The following EBF1 variants were observed in gnomAD, a reference collection of about 807,000 sequenced individuals.
EBF1 encodes transcription factor COE1.
EBF1 carries 10 observed loss-of-function variants against 68.4 expected under a neutral mutation model. That is an observed-to-expected ratio of 0.15 (90% CI 0.09 to 0.25). EBF1 has a LOEUF of 0.25. Ranked by LOEUF, EBF1 falls within the 10% of genes least tolerant of loss-of-function variation. EBF1 has a pLI of 1.00. For synonymous variants in EBF1, 298 were observed against 299.8 expected (o/e 0.99, Z 0.06); for missense variants, 509 against 794.4 (o/e 0.64, Z 4.32).
intron 5 of EBF1, among the ~76,000 whole-genome samples, chr5:159,078,487 T>C (rs1456438989): frequency 6.6e-6 from 1 of 152,226 alleles, no homozygotes; most frequent in Non-Finnish European, 1.5e-5. Flanking sequence ...GTGTGACTGA[T>C]GGACCTTCAT....
chr5:158,732,088 C>A (rs1311302506), intron 10 of EBF1, among the ~76,000 whole-genome samples: 1 of 152,112 alleles, frequency 6.6e-6, no homozygotes, highest in African/African-American at 2.4e-5. Context: ...CCTCCACATC[C>A]CTATATTCTC....
chr5:158,772,457 T>C (rs1416713220), intron 10 of EBF1, among the ~76,000 whole-genome samples: 2 of 152,176 alleles, frequency 1.3e-5, no homozygotes, highest in African/African-American at 4.8e-5. Context: ...AGAACAAGCA[T>C]GTGTTGTTCC....
chr5:159,067,992 C>T (rs760520396), intron 6 of EBF1, among the ~76,000 whole-genome samples: 3 of 152,086 alleles, frequency 2.0e-5, no homozygotes, highest in Non-Finnish European at 4.4e-5. Context: ...TTTATCGGAA[C>T]GCTGAGAAAT....
intron 8 of EBF1, among the ~76,000 whole-genome samples, chr5:158,820,630 C>T (rs1032745411): frequency 6.6e-6 from 1 of 151,686 alleles, no homozygotes; most frequent in East Asian, 1.9e-4. Context: ...GAAGGCAAAG[C>T]CCCTTGCTGA....
intron 8 of EBF1, among the ~76,000 whole-genome samples, chr5:158,796,729 T>A (rs1779672826): frequency 6.6e-6 from 1 of 152,176 alleles, no homozygotes; most frequent in Non-Finnish European, 1.5e-5. Flanking sequence ...ACCTGAAACT[T>A]TATGAAATAA....
intron 6 of EBF1, among the ~76,000 whole-genome samples, chr5:158,978,694 G>T (rs1169416525): frequency 1.3e-5 from 2 of 151,714 alleles, no homozygotes; most frequent in Non-Finnish European, 2.9e-5. Context: ...ACATATGAGG[G>T]CAAAGCTGCT....
Position 159,099,413 on chromosome 5 carries a change from G to A in EBF1, c.66C>T (p.Ser22=), listed in dbSNP as rs201000055. The A allele has an allele frequency of 5.6e-6, 9 of 1,601,218 alleles. No individual in the cohort carries two copies. The East Asian group carries it at 1.4e-4, about 25-fold the overall frequency. The change falls in exon 1 of 16, where the codon AGC becomes AGT. Residue 22 remains serine, a synonymous_variant. Coordinates refer to ENST00000313708, the MANE Select transcript of EBF1 (RefSeq NM_024007.5). ...GSSMKEEPLG[S]GMNAVRTWMQ... ...TCCACGTCCGCACCGCGTTCATGCC[G>A]CTGCCCAGCGGCTCTTCCTTCATGC...
At chr5:159,029,067 A>C (rs1348184454) in intron 6 of EBF1, among the ~76,000 whole-genome samples, 2 of 152,226 alleles carry the variant, frequency 1.3e-5, no homozygotes, top group African/African-American at 4.8e-5. Context: ...CCAATTGATA[A>C]GCAAAATAAG....
At chr5:158,793,831 A>G (rs907366839) in intron 9 of EBF1, among the ~76,000 whole-genome samples, 1 of 152,198 alleles carries the variant, frequency 6.6e-6, no homozygotes, top group Non-Finnish European at 1.5e-5. Flanking sequence ...GGCAGTATCA[A>G]ATTCTCTCCC....
chr5:158,965,267 T>C (rs1753877908), intron 6 of EBF1, among the ~76,000 whole-genome samples: 1 of 152,168 alleles, frequency 6.6e-6, no homozygotes, highest in African/African-American at 2.4e-5. Flanking sequence ...AGCTCTTAGG[T>C]GGAGATTCAA....
rs534952908 is a variant in EBF1, at chr5:158,777,642, C to A, written c.910-103G>T. 3.5e-5 allele frequency: 43 copies of A among 1,227,448 alleles called. No homozygotes were observed. The South Asian group carries it at 5.3e-4, about 15-fold the overall frequency. 76.0% of individuals were successfully genotyped at this position (1,227,448 alleles called of 1,614,324 possible). On this transcript the variant is annotated intron_variant, in intron 9 of 15. Coordinates refer to ENST00000313708, the MANE Select transcript of EBF1 (RefSeq NM_024007.5). ...ACAAAGCTTTAAAACACATAATTAA[C>A]CTGTCTATGTTTAAATCCAATCTTG...
chr5:159,011,147 A>T (rs1764582459), intron 6 of EBF1, among the ~76,000 whole-genome samples: 1 of 152,208 alleles, frequency 6.6e-6, no homozygotes, highest in African/African-American at 2.4e-5. Flanking sequence ...CATCTCAAGC[A>T]CAACGCTTCT....
At chr5:159,094,839 TAAG>T (rs1034400464) in intron 4 of EBF1, among the ~76,000 whole-genome samples, 6 of 152,304 alleles carry the variant, frequency 3.9e-5, no homozygotes, top group South Asian at 4.1e-4. Flanking sequence ...TTCTTAAAAT[TAAG>T]AAGAAGGGGA....
At chr5:158,988,154 G>A (rs562846917) in intron 6 of EBF1, among the ~76,000 whole-genome samples, 5 of 152,308 alleles carry the variant, frequency 3.3e-5, no homozygotes, top group South Asian at 4.1e-4. Context: ...TCACAAAGAC[G>A]GAAGAAACTA....
intron 11 of EBF1, among the ~76,000 whole-genome samples, chr5:158,726,146 CTTTT>C (rs576932369): frequency 1.3e-5 from 2 of 152,106 alleles, no homozygotes; most frequent in African/African-American, 2.4e-5. Flanking sequence ...GTAATAAATA[CTTTT>C]TTTATGTTTC....
intron 6 of EBF1, among the ~76,000 whole-genome samples, chr5:158,929,295 G>A (rs530002433): frequency 2.0e-5 from 3 of 152,252 alleles, no homozygotes; most frequent in African/African-American, 7.2e-5. Flanking sequence ...TAAATTATCA[G>A]CCTTTGTATC....
intron 11 of EBF1, among the ~76,000 whole-genome samples, chr5:158,726,870 A>G (rs1763098333): frequency 6.6e-6 from 1 of 152,226 alleles, no homozygotes; most frequent in African/African-American, 2.4e-5. Flanking sequence ...ATGTCGTAGC[A>G]AGTCACTCAG....
intron 6 of EBF1, among the ~76,000 whole-genome samples, chr5:158,868,365 A>G (rs1377195286): frequency 3.9e-5 from 6 of 152,230 alleles, no homozygotes; most frequent in African/African-American, 1.4e-4. Context: ...AAGGAAATTA[A>G]GAAGAGAGCT....
chr5:158,923,656 C>A (rs183555731), intron 6 of EBF1, among the ~76,000 whole-genome samples: 101 of 152,280 alleles, frequency 6.6e-4, no homozygotes, highest in Non-Finnish European at 1.3e-3. Flanking sequence ...TTCCTTAAGT[C>A]TGCTCTAGAG....
Sources: allele counts gnomAD v4.1 joint callset (sites outside exome capture counted in the v4.1 genomes callset), GRCh38; gene constraint gnomAD v4.1.1; transcripts MANE v1.5; gene names NCBI Gene and HGNC (gene_info 2026-07-23, HGNC 2026-07-21).